The following PACS1 variants were observed in gnomAD, a reference collection of about 807,000 sequenced individuals.
The protein encoded by PACS1 is phosphofurin acidic cluster sorting protein 1, also known as PACS-1.
PACS1 carries 24 observed loss-of-function variants against 115.0 expected under a neutral mutation model. The ratio of observed to expected loss-of-function variants is 0.21; its 90% confidence interval spans 0.15 to 0.29. The LOEUF (loss-of-function observed/expected upper bound fraction) is 0.29, where lower values mean the gene tolerates loss of function less well. Among genes scored for constraint, PACS1 ranks in the 10% least tolerant of loss-of-function variants. The probability of loss-of-function intolerance (pLI) is 1.00; values close to 1 mark genes in which losing one functional copy is unlikely to be tolerated. For synonymous variants in PACS1, 453 were observed against 504.5 expected (o/e 0.90, Z 1.37); for missense variants, 838 against 1,251.2 (o/e 0.67, Z 4.98).
chr11:66,140,154 T>C (rs1194795330), intron 1 of PACS1, among the ~76,000 whole-genome samples: 1 of 152,212 alleles, frequency 6.6e-6, no homozygotes, highest in Non-Finnish European at 1.5e-5. Flanking sequence ...AAGAATGTTC[T>C]GGGTGTCTCG....
At chr11:66,230,468 G>T in intron 11 of PACS1, 80 bp from the exon 12 acceptor site, 1 of 901,462 alleles carries the variant, frequency 1.1e-6, no homozygotes, top group South Asian at 1.4e-5. Flanking sequence ...GATGGTGATG[G>T]GGCCTGGCCA....
intron 21 of PACS1, chr11:66,241,123 T>C (rs1469510835): frequency 5.9e-6 from 2 of 337,684 alleles, no homozygotes; most frequent in African/African-American, 4.2e-5. Flanking sequence ...TGTGCACGCA[T>C]GCACTTATGT....
At position 66,181,194 on chromosome 11, in the gene PACS1, T is replaced by A. The variant is rs536840140; in HGVS notation, c.357-12292T>A. Among the ~76,000 whole-genome samples the A allele has an allele frequency of 4.2e-4, 64 of 151,366 alleles. No individual in the cohort carries two copies. The East Asian group carries it at 6.2e-3, about 15-fold the overall frequency. ...GTATTTTTTCTGTTGCTTTTTTTTT[T>A]ATTTTAATTTTAATTTTTTATTTTT... On this transcript the variant is annotated intron_variant, in intron 1 of 23. Coordinates refer to ENST00000320580, the MANE Select transcript of PACS1 (RefSeq NM_018026.4).
chr11:66,211,123 G>T lies in PACS1; in HGVS notation c.535-11G>T, dbSNP rs748076090. On this transcript the variant is annotated splice_polypyrimidine_tract_variant and intron_variant, in intron 3 of 23. Transcript: ENST00000320580. ...CATTAACCACGCTCGACTCTGTTTTGTATTTCGTAGTACCCTCATTTCCTT... is the reference window on the plus strand; with the variant it reads ...CATTAACCACGCTCGACTCTGTTTTTTATTTCGTAGTACCCTCATTTCCTT... The T allele has an allele frequency of 3.7e-6, 6 of 1,612,986 alleles. No homozygotes were observed. The highest frequency in any genetic ancestry group is 4.2e-6 in the Non-Finnish European group (5 of 1,179,296).
chr11:66,199,087 A>G (rs969892088), intron 2 of PACS1, among the ~76,000 whole-genome samples: 1 of 152,074 alleles, frequency 6.6e-6, no homozygotes, highest in Non-Finnish European at 1.5e-5. Context: ...AGGCCAAGGC[A>G]GGTGGATCAT....
intron 1 of PACS1, among the ~76,000 whole-genome samples, chr11:66,073,034 G>A (rs1276394329): frequency 6.6e-6 from 1 of 152,218 alleles, no homozygotes; most frequent in Non-Finnish European, 1.5e-5. Context: ...AGGCTTAGGC[G>A]GACTTATTTT....
chr11:66,088,886 T>A (rs1857614410), intron 1 of PACS1, among the ~76,000 whole-genome samples: 1 of 152,230 alleles, frequency 6.6e-6, no homozygotes, highest in Admixed American at 6.5e-5. Context: ...TAGACATATG[T>A]CCCTTTATTT....
chr11:66,237,775 A>ATGC (rs1855733558), intron 19 of PACS1, among the ~76,000 whole-genome samples: 1 of 152,220 alleles, frequency 6.6e-6, no homozygotes, highest in South Asian at 2.1e-4. Flanking sequence ...ACCTCACCAA[A>ATGC]TGCCAGGCAA....
At chr11:66,199,579 G>A (rs1357442831) in intron 2 of PACS1, among the ~76,000 whole-genome samples, 4 of 151,974 alleles carry the variant, frequency 2.6e-5, no homozygotes, top group African/African-American at 4.8e-5. Flanking sequence ...AGACAAGAAG[G>A]AAAGAAGGAA....
chr11:66,140,941 T>C (rs543991631), intron 1 of PACS1, among the ~76,000 whole-genome samples: 22 of 152,298 alleles, frequency 1.4e-4, no homozygotes, highest in African/African-American at 5.3e-4. Flanking sequence ...TATTGGTATC[T>C]TATTGTATGG....
At chr11:66,120,148 C>CTTTTT (rs367965167) in intron 1 of PACS1, among the ~76,000 whole-genome samples, 2 of 135,314 alleles carry the variant, frequency 1.5e-5, no homozygotes, top group African/African-American at 2.8e-5. Flanking sequence ...TCTGTGAACT[C>CTTTTT]TTTTTTTTTT....
intron 1 of PACS1, among the ~76,000 whole-genome samples, chr11:66,096,802 G>T (rs1405039123): frequency 6.7e-6 from 1 of 150,292 alleles, no homozygotes; most frequent in Admixed American, 6.6e-5. Flanking sequence ...GCGCCCAGCC[G>T]CTGTGAACAT....
chr11:66,232,986 G>C lies in PACS1; in HGVS notation c.1758G>C (p.Gln586His). Residue 586 changes from glutamine to histidine, a missense_variant, in exon 15 of 24, where the codon CAG becomes CAC. Physicochemically the swap from Gln to His is conservative, Grantham distance 24. Around this residue, in one of 6 missense-constraint regions of PACS1, gnomAD observed 383 missense variants for 537.0 expected, o/e 0.71. Transcript: ENST00000320580. ...ATGTGGCTGAGCTGCTCCAGGACCA[G>C]CGGAAGCCTGTGGTGTGCACCTGCT... is the stretch of plus-strand genomic sequence containing the variant. ...GQYVAELLQD[Q>H]RKPVVCTCST... 6.2e-7 allele frequency: 1 copy of C among 1,612,992 alleles called. No homozygotes were observed. The highest frequency in any genetic ancestry group is 8.5e-7 in the Non-Finnish European group (1 of 1,179,966).
At chr11:66,077,228 C>T (rs1292696434) in intron 1 of PACS1, among the ~76,000 whole-genome samples, 1 of 152,170 alleles carries the variant, frequency 6.6e-6, no homozygotes, top group Non-Finnish European at 1.5e-5. Context: ...GACAGCTAAC[C>T]AATGAAACAC....
chr11:66,163,551 A>G (rs1859536264), intron 1 of PACS1, among the ~76,000 whole-genome samples: 1 of 152,144 alleles, frequency 6.6e-6, no homozygotes, highest in Non-Finnish European at 1.5e-5. Flanking sequence ...AGGTCTCAAC[A>G]GTAGACTTAA....
At chr11:66,203,468 C>A (rs1854863744) in intron 2 of PACS1, among the ~76,000 whole-genome samples, 2 of 142,796 alleles carry the variant, frequency 1.4e-5, no homozygotes, top group Admixed American at 1.5e-4. Context: ...TATCAAAATA[C>A]CAATGACATT....
intron 1 of PACS1, among the ~76,000 whole-genome samples, chr11:66,078,496 A>C (rs1857430747): frequency 6.6e-6 from 1 of 152,210 alleles, no homozygotes; most frequent in Admixed American, 6.5e-5. Context: ...TCCCCCAGCT[A>C]ACATTTTGGG....
intron 1 of PACS1, among the ~76,000 whole-genome samples, chr11:66,128,744 C>T (rs1313289571): frequency 2.6e-5 from 4 of 151,754 alleles, no homozygotes; most frequent in Non-Finnish European, 5.9e-5. Context: ...ATTAGCCAGG[C>T]GTAGTGACAT....
At position 66,149,344 on chromosome 11, in the gene PACS1, G is replaced by A. The variant is rs370375788; in HGVS notation, c.357-44142G>A. 7.1e-4 allele frequency among the ~76,000 whole-genome samples: 108 copies of A among 151,886 alleles called. 1 individual carries two copies. In the South Asian group the frequency reaches 9.6e-3, roughly 13 times the overall value. On this transcript the variant is annotated intron_variant, in intron 1 of 23. Coordinates refer to ENST00000320580, the MANE Select transcript of PACS1 (RefSeq NM_018026.4). The stretch of plus-strand genomic sequence containing the variant: ...TGACCTCAGGTGATGCGCCTGCCTC[G>A]GCCTCCCAAAGTGCTGGGATTACAG...
Sources: gnomAD v4.1 joint callset for allele counts (sites outside exome capture counted in the v4.1 genomes callset) on GRCh38, gnomAD v4.1.1 for gene constraint, gnomAD v4.1.1 regional missense constraint, MANE v1.5 for transcripts, NCBI Gene and HGNC (gene_info 2026-07-23, HGNC 2026-07-21) for gene names.